Variants in SETD5 observed in about 807,000 individuals in gnomAD.
SETD5 encodes SET domain containing 5.
A neutral mutation model predicts 153.3 loss-of-function variants in SETD5; 44 were observed. That is an observed-to-expected ratio of 0.29 (90% CI 0.23 to 0.37). SETD5 has a LOEUF of 0.37. Among genes scored for constraint, SETD5 ranks in the 10% least tolerant of loss-of-function variants. The probability of loss-of-function intolerance (pLI) is 1.00; values close to 1 mark genes in which losing one functional copy is unlikely to be tolerated. For missense variants in SETD5, 1,544 were observed against 1,768.0 expected (o/e 0.87, Z 2.27); for synonymous variants, 716 against 645.2 (o/e 1.11, Z -1.66).
intron 7 of SETD5, among the ~76,000 whole-genome samples, chr3:9,440,217 C>T (rs191221013): frequency 3.7e-3 from 567 of 152,254 alleles, no homozygotes; most frequent in Non-Finnish European, 6.6e-3. Context: ...TAATTTCTTA[C>T]TTTATAAATG....
At chr3:9,469,918 C>G (rs1056543212) in intron 18 of SETD5, among the ~76,000 whole-genome samples, 3 of 152,166 alleles carry the variant, frequency 2.0e-5, no homozygotes, top group Admixed American at 6.5e-5. Flanking sequence ...TGGTTGATGT[C>G]TTTAATGCCA....
intron 1 of SETD5, chr3:9,398,425 T>C (rs1300728539): frequency 6.8e-6 from 1 of 146,866 alleles, no homozygotes; most frequent in Non-Finnish European, 1.5e-5. Context: ...CTCTGATCGC[T>C]CTGGGGGCCG....
At chr3:9,408,518 T>C (rs1180097780) in intron 1 of SETD5, among the ~76,000 whole-genome samples, 1 of 152,238 alleles carries the variant, frequency 6.6e-6, no homozygotes, top group Non-Finnish European at 1.5e-5. Flanking sequence ...GTTTTTTCCA[T>C]GTAGGATTCT....
At chr3:9,416,506 T>A (rs1274514121) in intron 1 of SETD5, among the ~76,000 whole-genome samples, 1 of 152,194 alleles carries the variant, frequency 6.6e-6, no homozygotes, top group African/African-American at 2.4e-5. Context: ...TAAAAATAGT[T>A]TACAGTGATT....
chr3:9,442,193 CT>C lies in SETD5; in HGVS notation c.1028del (p.Phe343SerfsTer21). On this transcript the variant is annotated frameshift_variant, in exon 10 of 23. Transcript: ENST00000402198. LOFTEE classifies it high-confidence loss of function. ...GTAGAGATGTGTGTGGATGCCCGTACTTTCGGTAATGATGCTCGGTTCATCA... is the reference window on the plus strand; with the variant it reads ...GTAGAGATGTGTGTGGATGCCCGTACTTCGGTAATGATGCTCGGTTCATCA... ...NGVEMCVDAR[T>X]FGNDARFIRR... 1 of 1,609,842 alleles carries C rather than the reference CT, an allele frequency of 6.2e-7. No individual in the cohort carries two copies. Among genetic ancestry groups the C allele is most frequent in the Non-Finnish European group, 8.5e-7 (1 of 1,178,354 alleles).
At chr3:9,408,222 C>G (rs1401129358) in intron 1 of SETD5, among the ~76,000 whole-genome samples, 3 of 152,166 alleles carry the variant, frequency 2.0e-5, no homozygotes, top group South Asian at 4.1e-4. Context: ...TAGAGCTCTT[C>G]TTATTCTGGA....
chr3:9,403,689 C>T (rs938087209), intron 1 of SETD5, among the ~76,000 whole-genome samples: 10 of 152,122 alleles, frequency 6.6e-5, no homozygotes, highest in African/African-American at 2.2e-4. Flanking sequence ...TCTTTTGATA[C>T]ATTTGTGTTC....
At chr3:9,445,973 T>G (rs1263955061) in intron 13 of SETD5, among the ~76,000 whole-genome samples, 1 of 146,456 alleles carries the variant, frequency 6.8e-6, no homozygotes, top group Admixed American at 6.8e-5. Flanking sequence ...TTGTTTTTTT[T>G]TTTTTTTTTT....
intron 17 of SETD5, among the ~76,000 whole-genome samples, chr3:9,457,052 T>C (rs2043344538): frequency 6.6e-6 from 1 of 152,080 alleles, no homozygotes; most frequent in Admixed American, 6.6e-5. Context: ...ACACTAAATA[T>C]TTTAAGTTCC....
At chr3:9,462,887 G>A (rs2044144194) in intron 17 of SETD5, among the ~76,000 whole-genome samples, 1 of 151,334 alleles carries the variant, frequency 6.6e-6, no homozygotes, top group Admixed American at 6.6e-5. Flanking sequence ...TCACAATAAA[G>A]CACATGGCAT....
chr3:9,461,688 T>G (rs2043971042), intron 17 of SETD5, among the ~76,000 whole-genome samples: 1 of 152,182 alleles, frequency 6.6e-6, no homozygotes, highest in South Asian at 2.1e-4. Flanking sequence ...ACTCAGTAAA[T>G]ATATGTTGAA....
chr3:9,435,671 C>T, intron 6 of SETD5, 57 bp from the exon 7 acceptor site: 2 of 1,441,630 alleles, frequency 1.4e-6, no homozygotes. Flanking sequence ...GAATAAGCTA[C>T]TTTTAATGTA....
intron 3 of SETD5, 167 bp downstream of exon 3, chr3:9,429,176 G>T: frequency 5.1e-6 from 2 of 395,988 alleles, no homozygotes; most frequent in Non-Finnish European, 9.0e-6. Context: ...GTGGAAAAAA[G>T]GAATTAGAAG....
chr3:9,400,690 C>T (rs1224136777), intron 1 of SETD5, among the ~76,000 whole-genome samples: 1 of 152,100 alleles, frequency 6.6e-6, no homozygotes, highest in African/African-American at 2.4e-5. Flanking sequence ...TTGGATATAG[C>T]CTTCTGACAT....
chr3:9,435,575 G>A (rs2040471093), intron 6 of SETD5, among the ~76,000 whole-genome samples, 153 bp from the exon 7 acceptor site: 1 of 152,178 alleles, frequency 6.6e-6, no homozygotes, highest in African/African-American at 2.4e-5. Context: ...GTTTTCTTAA[G>A]GAAGATGAGT....
In SETD5 at chr3:9,476,162, A is replaced by C; in HGVS notation, c.*71A>C. On this transcript the variant is annotated 3_prime_UTR_variant, in exon 23 of 23. Transcript: ENST00000402198. Reference sequence around the variant, plus strand: ...TTCCTTCCAGCTGCCTCTGGAACCTAGGCCGAGCATATTGCTGAGGAACGG... The same window carrying C: ...TTCCTTCCAGCTGCCTCTGGAACCTCGGCCGAGCATATTGCTGAGGAACGG... 6.5e-7 allele frequency: 1 copy of C among 1,530,166 alleles called. No individual in the cohort carries two copies. Among genetic ancestry groups the C allele is most frequent in the Non-Finnish European group, 8.8e-7 (1 of 1,137,102 alleles). 94.8% of individuals were successfully genotyped at this position (1,530,166 alleles called of 1,614,324 possible).
Position 9,470,869 on chromosome 3 carries a change from T to G in SETD5, c.3135T>G (p.Gly1045=). The change falls in exon 19 of 23, where the codon GGT becomes GGG. Residue 1045 remains glycine (G), a synonymous_variant. Coordinates refer to ENST00000402198, the MANE Select transcript of SETD5 (RefSeq NM_001080517.3). Reference sequence around the variant, plus strand: ...TCTCTCGTGGATCCTTGTCACCTGGTGGTGAAAGGGCCTGTGAAGGAGTCC... The same window carrying G: ...TCTCTCGTGGATCCTTGTCACCTGGGGGTGAAAGGGCCTGTGAAGGAGTCC... ...KDLSRGSLSP[G]GERACEGVPS... The G allele has an allele frequency of 3.1e-6, 5 of 1,610,746 alleles. No individual in the cohort carries two copies. Among genetic ancestry groups the G allele is most frequent in the Non-Finnish European group, 1.7e-6 (2 of 1,178,294 alleles).
chr3:9,406,143 ACCC>A (rs2035614141), intron 1 of SETD5, among the ~76,000 whole-genome samples: 1 of 152,086 alleles, frequency 6.6e-6, no homozygotes, highest in South Asian at 2.1e-4. Flanking sequence ...GACAGAGAAG[ACCC>A]CCAATCAGAT....
At chr3:9,407,948 T>C (rs940580853) in intron 1 of SETD5, among the ~76,000 whole-genome samples, 1 of 151,762 alleles carries the variant, frequency 6.6e-6, no homozygotes, top group Non-Finnish European at 1.5e-5. Flanking sequence ...TGCAGTGAGC[T>C]GAGATTGCGC....
Sources: allele counts gnomAD v4.1 joint callset (sites outside exome capture counted in the v4.1 genomes callset), GRCh38; gene constraint gnomAD v4.1.1; transcripts MANE v1.5; gene names NCBI Gene and HGNC (gene_info 2026-07-23, HGNC 2026-07-21).